The following TENT4B variants were observed in gnomAD, a reference collection of about 807,000 sequenced individuals.
The protein encoded by TENT4B is terminal nucleotidyltransferase 4B, also known as PAP associated domain containing 5.
Under a neutral mutation model 75.0 loss-of-function variants are expected in TENT4B, and 10 were observed. The observed-to-expected ratio is 0.13, with a 90% CI of 0.08 to 0.23. TENT4B has a LOEUF of 0.23. TENT4B is among the 10% of genes least tolerant of loss of function. The pLI is 1.00. For synonymous variants in TENT4B, 350 were observed against 357.7 expected, an observed-to-expected ratio of 0.98 and a Z score of 0.24; for missense variants, 579 against 893.8, an observed-to-expected ratio of 0.65 and a Z score of 4.49.
At chr16:50,228,624 GTGTCTGA>G (rs2032160106) in intron 11 of TENT4B, among the ~76,000 whole-genome samples, 1 of 152,112 alleles carries the variant, frequency 6.6e-6, no homozygotes, top group Non-Finnish European at 1.5e-5. Context: ...CTGTAACCTT[GTGTCTGA>G]TTTGACTCAC....
At chr16:50,200,537 C>G (rs932762104) in intron 1 of TENT4B, among the ~76,000 whole-genome samples, 1 of 152,082 alleles carries the variant, frequency 6.6e-6, no homozygotes, top group African/African-American at 2.4e-5. Context: ...ACATCCTCAC[C>G]AGCATTTGGT....
chr16:50,201,507 A>T (rs55938681), intron 1 of TENT4B, among the ~76,000 whole-genome samples: 28,174 of 151,324 alleles, frequency 0.19, 2,766 homozygotes, highest in East Asian at 0.25. Flanking sequence ...ACTGCACTCC[A>T]ACCTTGGCGA....
At chr16:50,182,403 T>G (rs1428355421) in intron 1 of TENT4B, among the ~76,000 whole-genome samples, 2 of 152,210 alleles carry the variant, frequency 1.3e-5, no homozygotes, top group African/African-American at 2.4e-5. Flanking sequence ...ACTAAAATAT[T>G]AACTCCAAAT....
intron 1 of TENT4B, among the ~76,000 whole-genome samples, chr16:50,179,244 C>G (rs1433115188): frequency 2.0e-5 from 3 of 150,316 alleles, no homozygotes; most frequent in South Asian, 2.1e-4. Context: ...TGCCTGTAAT[C>G]CCAGCTACTT....
rs1319176574 is a variant in TENT4B, at chr16:50,234,191, C to T, written c.*4863C>T. ...TGCTCAGGCCGGGCATGGTGGCTCA[C>T]GCCTGTAATCCCAGCACTTTGGGAG... is the stretch of plus-strand genomic sequence containing the variant. On this transcript the variant is annotated 3_prime_UTR_variant, in exon 12 of 12. Coordinates refer to ENST00000561678, the MANE Select transcript of TENT4B (RefSeq NM_001365324.3). The T allele has an allele frequency of 4.1e-6, 4 of 985,382 alleles. No homozygotes were observed. The highest frequency in any genetic ancestry group is 1.7e-5 in the African/African-American group (1 of 57,228). 61.0% of individuals were successfully genotyped at this position (985,382 alleles called of 1,614,324 possible).
At chr16:50,154,425 C>G (rs1205756559) in intron 1 of TENT4B, among the ~76,000 whole-genome samples, 166 bp downstream of exon 1, 1 of 151,080 alleles carries the variant, frequency 6.6e-6, no homozygotes, top group Non-Finnish European at 1.5e-5. Context: ...CCCAGTCGTT[C>G]ACACCTTTCC....
chr16:50,154,061 C>G lies in TENT4B; in HGVS notation c.440C>G (p.Ala147Gly). 1 of 1,531,664 alleles carries G rather than the reference C, an allele frequency of 6.5e-7. No individual in the cohort carries two copies. The allele number at this position is 1,531,664 out of a possible 1,614,324, so 94.9% of individuals were successfully genotyped here. A position where few individuals can be genotyped will look rare whatever the true frequency, so the allele number is the denominator to read the frequency against. The change falls in exon 1 of 12, where the codon GCC becomes GGC. Residue 147 changes from alanine (A) to glycine (G), a missense_variant. Coordinates refer to ENST00000561678, the MANE Select transcript of TENT4B (RefSeq NM_001365324.3). The part of the protein sequence containing the change: ...SSPHPSAAVP[A>G]ADPADSASGS... ...CCGCACCCTTCGGCCGCCGTCCCCGCCGCCGATCCAGCCGATTCGGCCTCG... is the reference window on the plus strand; with the variant it reads ...CCGCACCCTTCGGCCGCCGTCCCCGGCGCCGATCCAGCCGATTCGGCCTCG...
chr16:50,223,095 A>G (rs886072555), intron 6 of TENT4B, 79 bp from the exon 7 acceptor site: 2 of 1,165,280 alleles, frequency 1.7e-6, no homozygotes, highest in African/African-American at 3.1e-5. Flanking sequence ...TTGCTTGTAG[A>G]AGTTAGAATA....
intron 1 of TENT4B, among the ~76,000 whole-genome samples, chr16:50,201,658 C>T (rs890011770): frequency 6.6e-6 from 1 of 151,916 alleles, no homozygotes; most frequent in Non-Finnish European, 1.5e-5. Context: ...GCCTGGCGAA[C>T]ATGGCGAAAC....
intron 1 of TENT4B, among the ~76,000 whole-genome samples, chr16:50,194,800 G>A (rs1007300696): frequency 3.9e-4 from 55 of 139,696 alleles, no homozygotes; most frequent in Non-Finnish European, 7.9e-4. Flanking sequence ...CCAGGCTGGA[G>A]TGCAGTGGCG....
At chr16:50,219,476 T>G (rs2031725473) in intron 5 of TENT4B, among the ~76,000 whole-genome samples, 1 of 152,220 alleles carries the variant, frequency 6.6e-6, no homozygotes, top group African/African-American at 2.4e-5. Flanking sequence ...TTCTTCAGTA[T>G]TGTTCCAGTT....
intron 1 of TENT4B, among the ~76,000 whole-genome samples, chr16:50,209,914 C>G (rs181371508): frequency 2.0e-5 from 3 of 152,178 alleles, no homozygotes; most frequent in African/African-American, 7.2e-5. Context: ...TTTTTCCTTC[C>G]CTAAAACAAT....
At chr16:50,214,081 G>T (rs980319700) in intron 2 of TENT4B, 140 bp from the exon 3 acceptor site, 1 of 640,822 alleles carries the variant, frequency 1.6e-6, no homozygotes, top group Non-Finnish European at 2.8e-6. Context: ...GAAGCTTGGG[G>T]TTAGAAAAAA....
At chr16:50,206,358 T>G (rs898193908) in intron 1 of TENT4B, among the ~76,000 whole-genome samples, 5 of 145,546 alleles carry the variant, frequency 3.4e-5, no homozygotes, top group African/African-American at 1.2e-4. Context: ...GTATGTATTT[T>G]TTTTTTTTTT....
chr16:50,156,715 C>T (rs982710840), intron 1 of TENT4B, among the ~76,000 whole-genome samples: 4 of 151,784 alleles, frequency 2.6e-5, no homozygotes, highest in Non-Finnish European at 4.4e-5. Context: ...AGTGGAGTGA[C>T]GTGATCATAG....
chr16:50,195,102 T>C (rs971738442), intron 1 of TENT4B, among the ~76,000 whole-genome samples: 3 of 152,198 alleles, frequency 2.0e-5, no homozygotes, highest in African/African-American at 7.2e-5. Flanking sequence ...TTAATTGATT[T>C]TCTATGTGAT....
intron 1 of TENT4B, among the ~76,000 whole-genome samples, chr16:50,193,206 G>T (rs889460052): frequency 6.6e-6 from 1 of 152,088 alleles, no homozygotes; most frequent in Admixed American, 6.6e-5. Context: ...TGGTGGAACT[G>T]TCAGATACTT....
intron 5 of TENT4B, among the ~76,000 whole-genome samples, chr16:50,218,133 G>C (rs931899617): frequency 1.6e-4 from 24 of 151,970 alleles, no homozygotes; most frequent in Non-Finnish European, 2.8e-4. Context: ...CTTATAATGT[G>C]ACCTCAAGTA....
chr16:50,234,597 CCT>C lies in TENT4B; in HGVS notation c.*5274_*5275del, dbSNP rs373362327. 2.0e-6 allele frequency: 2 copies of C among 983,812 alleles called. No homozygotes were observed. The highest frequency in any genetic ancestry group is 2.4e-6 in the Non-Finnish European group (2 of 828,508). 60.9% of individuals were successfully genotyped at this position (983,812 alleles called of 1,614,324 possible). The stretch of plus-strand genomic sequence containing the variant: ...GAACTTAATCTCCTAATTTTAAGAT[CCT>C]CTCTGATTTTTGCATATTGAAACTT... On this transcript the variant is annotated 3_prime_UTR_variant, in exon 12 of 12. Transcript: ENST00000561678.
Sources: gnomAD v4.1 joint callset for allele counts (sites outside exome capture counted in the v4.1 genomes callset) on GRCh38, gnomAD v4.1.1 for gene constraint, MANE v1.5 for transcripts, NCBI Gene and HGNC (gene_info 2026-07-23, HGNC 2026-07-21) for gene names.